MAPKAP1: variants seen among roughly 807,000 people sequenced by gnomAD.
The protein encoded by MAPKAP1 is target of rapamycin complex 2 subunit MAPKAP1.
MAPKAP1 carries 20 observed loss-of-function variants against 65.7 expected under a neutral mutation model. The observed-to-expected ratio is 0.30, with a 90% CI of 0.21 to 0.44. The LOEUF (loss-of-function observed/expected upper bound fraction) is 0.44, where lower values mean the gene tolerates loss of function less well. Ranked by LOEUF, MAPKAP1 falls within the 20% of genes least tolerant of loss-of-function variation. The pLI is 1.00. For missense variants in MAPKAP1, 423 were observed against 648.0 expected (o/e 0.65, Z 3.77); for synonymous variants, 222 against 244.3 (o/e 0.91, Z 0.85).
Position 125,656,095 on chromosome 9 carries a change from T to C in MAPKAP1, c.498+1556A>G, listed in dbSNP as rs899135389. Among the ~76,000 whole-genome samples, 10 of 152,216 alleles carry C rather than the reference T, an allele frequency of 6.6e-5. No individual in the cohort carries two copies. In the East Asian group the frequency reaches 1.7e-3, roughly 26 times the overall value. ...GCTATTTTTTGATATAAACACATTA[T>C]CACACATCAACTATTCCAGAAATTA... On this transcript the variant is annotated intron_variant, in intron 4 of 11. Coordinates refer to ENST00000265960, the MANE Select transcript of MAPKAP1 (RefSeq NM_001006617.3).
At chr9:125,702,877 A>T (rs547978812) in intron 1 of MAPKAP1, among the ~76,000 whole-genome samples, 22 of 151,722 alleles carry the variant, frequency 1.5e-4, no homozygotes, top group African/African-American at 5.3e-4. Flanking sequence ...AAAAAAAACT[A>T]GCTACACATA....
rs958741870 is a variant in MAPKAP1 at position 125,693,674 on chromosome 9, C to A, written c.-70+13297G>T. On this transcript the variant is annotated intron_variant, in intron 1 of 11. Transcript: ENST00000265960. ...ACGTATACATACACACACATATACA[C>A]GTATATATACACGTATATATACACG... Among the ~76,000 whole-genome samples the A allele has an allele frequency of 3.8e-5, 5 of 131,432 alleles. No individual in the cohort carries two copies. The East Asian group carries it at 1.4e-3, about 38-fold the overall frequency. The allele number at this position is 131,432 out of a possible 152,430, so 86.2% of individuals were successfully genotyped here.
At chr9:125,693,532 TAC>T (rs576288762) in intron 1 of MAPKAP1, among the ~76,000 whole-genome samples, 25 of 89,926 alleles carry the variant, frequency 2.8e-4, no homozygotes, top group East Asian at 7.9e-4. Context: ...TATACACATA[TAC>T]ACACACATAT....
intron 7 of MAPKAP1, among the ~76,000 whole-genome samples, chr9:125,509,765 T>A (rs1829247106): frequency 6.6e-6 from 1 of 152,118 alleles, no homozygotes; most frequent in African/African-American, 2.4e-5. Context: ...TCAGGAGGAA[T>A]TTCAGGCCGG....
At chr9:125,602,445 T>TA (rs1832325669) in intron 4 of MAPKAP1, among the ~76,000 whole-genome samples, 1 of 151,894 alleles carries the variant, frequency 6.6e-6, no homozygotes, top group South Asian at 2.1e-4. Context: ...AAGAAAGCAG[T>TA]AAGTGGCAGA....
chr9:125,526,973 C>T (rs1829788416), intron 7 of MAPKAP1, among the ~76,000 whole-genome samples: 1 of 150,990 alleles, frequency 6.6e-6, no homozygotes, highest in Non-Finnish European at 1.5e-5. Context: ...TAGGGTTTCA[C>T]TGTGTTAGCC....
At chr9:125,678,795 A>G (rs939941038) in intron 1 of MAPKAP1, among the ~76,000 whole-genome samples, 1 of 152,134 alleles carries the variant, frequency 6.6e-6, no homozygotes, top group African/African-American at 2.4e-5. Context: ...ATAATTTTGG[A>G]TAATTTTACA....
Position 125,538,784 on chromosome 9 carries a change from T to C in MAPKAP1, c.958+4275A>G, listed in dbSNP as rs558229474. Reference sequence around the variant, plus strand: ...ATTCTCCCTCTCAGCCTCTTATGTATACTCTTGCTCTAGAAAAAGGTCATC... The same window carrying C: ...ATTCTCCCTCTCAGCCTCTTATGTACACTCTTGCTCTAGAAAAAGGTCATC... On this transcript the variant is annotated intron_variant, in intron 7 of 11. Coordinates refer to ENST00000265960, the MANE Select transcript of MAPKAP1 (RefSeq NM_001006617.3). Among the ~76,000 whole-genome samples, 9 of 152,282 alleles carry C rather than the reference T, an allele frequency of 5.9e-5. No homozygotes were observed. The South Asian group carries it at 1.9e-3, about 32-fold the overall frequency.
intron 7 of MAPKAP1, among the ~76,000 whole-genome samples, chr9:125,516,578 G>A (rs1829467615): frequency 6.6e-6 from 1 of 152,310 alleles, no homozygotes; most frequent in Non-Finnish European, 1.5e-5. Flanking sequence ...ATCTTCATCA[G>A]CCAAAGGAGG....
intron 9 of MAPKAP1, among the ~76,000 whole-genome samples, chr9:125,468,768 G>C (rs1853781517): frequency 6.6e-6 from 1 of 152,250 alleles, no homozygotes; most frequent in Non-Finnish European, 1.5e-5. Flanking sequence ...CCCCCCTGCT[G>C]AGGGCGAGAC....
chr9:125,456,205 A>C (rs771713633), intron 10 of MAPKAP1, among the ~76,000 whole-genome samples: 20 of 152,150 alleles, frequency 1.3e-4, no homozygotes, highest in Non-Finnish European at 2.5e-4. Flanking sequence ...GTTTGATTAT[A>C]ATGTGCCTTG....
Position 125,657,782 on chromosome 9 carries a change from G to C in MAPKAP1, c.367C>G (p.Leu123Val). 1.2e-6 allele frequency: 2 copies of C among 1,613,804 alleles called. No individual in the cohort carries two copies. Among genetic ancestry groups the C allele is most frequent in the South Asian group, 1.1e-5 (1 of 91,052 alleles). ...SKQSAQELKS[L>V]FEKKSLKEKP... ...TCTTTGAGAGATTTTTTTTCAAACAGTGACTTTAACTCCTGGGCTGTGATA... is the reference window on the plus strand; with the variant it reads ...TCTTTGAGAGATTTTTTTTCAAACACTGACTTTAACTCCTGGGCTGTGATA... Residue 123 changes from leucine (L) to valine (V), a missense_variant, in exon 4 of 12, where the codon CTG becomes GTG. Leu to Val is a conservative substitution (Grantham distance 32, BLOSUM62 1). This residue lies in a region of MAPKAP1 where 67 missense variants were observed against 69.6 expected (regional missense o/e 0.96). Transcript: ENST00000265960.
chr9:125,470,825 A>ATT (rs549564645), intron 9 of MAPKAP1, among the ~76,000 whole-genome samples: 1 of 150,538 alleles, frequency 6.6e-6, no homozygotes, highest in Non-Finnish European at 1.5e-5. Flanking sequence ...TGTGAATCAG[A>ATT]TTTTTTTTTT....
At chr9:125,592,631 G>A (rs965001785) in intron 4 of MAPKAP1, among the ~76,000 whole-genome samples, 1 of 152,146 alleles carries the variant, frequency 6.6e-6, no homozygotes, top group South Asian at 2.1e-4. Context: ...CTGGCCAGGC[G>A]CAGTGGCTCA....
At chr9:125,442,945 A>C (rs897732265) in intron 11 of MAPKAP1, among the ~76,000 whole-genome samples, 1 of 152,240 alleles carries the variant, frequency 6.6e-6, no homozygotes, top group Non-Finnish European at 1.5e-5. Flanking sequence ...GAATTAAAAC[A>C]CAAGTCTGAA....
chr9:125,503,348 C>G (rs1829039004), intron 8 of MAPKAP1, among the ~76,000 whole-genome samples: 1 of 152,252 alleles, frequency 6.6e-6, no homozygotes, highest in South Asian at 2.1e-4. Context: ...CCCAGCTCAA[C>G]CTTTAGGCTG....
At chr9:125,440,910 T>TA (rs1163433765) in intron 11 of MAPKAP1, among the ~76,000 whole-genome samples, 54 of 152,362 alleles carry the variant, frequency 3.5e-4, no homozygotes, top group African/African-American at 1.3e-3. Context: ...TTTTGGCACA[T>TA]ATAACTTGAC....
chr9:125,574,675 C>T (rs1378477016), intron 5 of MAPKAP1, among the ~76,000 whole-genome samples: 1 of 152,196 alleles, frequency 6.6e-6, no homozygotes, highest in Non-Finnish European at 1.5e-5. Context: ...AGTAAAATTA[C>T]TTGAGTCATC....
At chr9:125,441,132 C>A (rs193064238) in intron 11 of MAPKAP1, among the ~76,000 whole-genome samples, 157 of 152,318 alleles carry the variant, frequency 1.0e-3, no homozygotes, top group Non-Finnish European at 9.0e-4. Context: ...ATTTTCAACG[C>A]ATTTTACAGC....
Sources: allele counts gnomAD v4.1 joint callset (sites outside exome capture counted in the v4.1 genomes callset), GRCh38; gene constraint gnomAD v4.1.1; regional missense constraint gnomAD v4.1.1; transcripts MANE v1.5; gene names NCBI Gene and HGNC (gene_info 2026-07-23, HGNC 2026-07-21).